The following CYTH3 variants were observed in gnomAD, a reference collection of about 807,000 sequenced individuals.
CYTH3 encodes cytohesin-3.
A neutral mutation model predicts 55.1 loss-of-function variants in CYTH3; 23 were observed. That is an observed-to-expected ratio of 0.42 (90% confidence interval 0.30 to 0.59). CYTH3 has a LOEUF of 0.59. CYTH3 is among the 20% of genes least tolerant of loss of function. The pLI is 0.20. For synonymous variants in CYTH3, 249 were observed against 194.9 expected, an observed-to-expected ratio of 1.28 and a Z score of -2.31; for missense variants, 413 against 524.8, an observed-to-expected ratio of 0.79 and a Z score of 2.08.
intron 4 of CYTH3, among the ~76,000 whole-genome samples, chr7:6,181,493 TC>T (rs1783501304): frequency 6.6e-6 from 1 of 151,952 alleles, no homozygotes; most frequent in Non-Finnish European, 1.5e-5. Flanking sequence ...CTTGCTGTGC[TC>T]CTCATTTCTT....
At chr7:6,198,696 T>C (rs552935648) in intron 1 of CYTH3, among the ~76,000 whole-genome samples, 37 of 151,768 alleles carry the variant, frequency 2.4e-4, no homozygotes, top group African/African-American at 9.0e-4. Flanking sequence ...TAAAGTAATA[T>C]ATGGATATGG....
At chr7:6,245,333 G>C (rs568198565) in intron 1 of CYTH3, among the ~76,000 whole-genome samples, 1 of 152,126 alleles carries the variant, frequency 6.6e-6, no homozygotes, top group South Asian at 2.1e-4. Context: ...ACCTAAATTT[G>C]TATTCTTTTT....
intron 9 of CYTH3, among the ~76,000 whole-genome samples, chr7:6,168,219 A>ATTT (rs750700961): frequency 7.4e-5 from 9 of 121,606 alleles, no homozygotes; most frequent in Admixed American, 2.5e-4. Flanking sequence ...ACCTCCTAGG[A>ATTT]TTTTTTTTTT....
intron 1 of CYTH3, among the ~76,000 whole-genome samples, chr7:6,264,397 C>T (rs543434136): frequency 1.3e-5 from 2 of 152,072 alleles, no homozygotes; most frequent in African/African-American, 4.8e-5. Flanking sequence ...GGATCATTTG[C>T]GGTCAGGAGT....
At chr7:6,193,667 G>A (rs563569495) in intron 1 of CYTH3, among the ~76,000 whole-genome samples, 2 of 152,264 alleles carry the variant, frequency 1.3e-5, no homozygotes, top group African/African-American at 2.4e-5. Context: ...GTGAAGGAGG[G>A]TCAACTAAAA....
chr7:6,193,934 C>T (rs1783860407), intron 1 of CYTH3, among the ~76,000 whole-genome samples: 1 of 152,176 alleles, frequency 6.6e-6, no homozygotes, highest in African/African-American at 2.4e-5. Flanking sequence ...TCCCACCACC[C>T]TGGACAGAGG....
Position 6,163,941 on chromosome 7 carries a change from A to G in CYTH3, c.*1003T>C, listed in dbSNP as rs1175289042. 1 of 152,240 alleles carries G rather than the reference A, an allele frequency of 6.6e-6. No homozygotes were observed. The highest frequency in any genetic ancestry group is 1.5e-5 in the Non-Finnish European group (1 of 68,042). 9.4% of individuals were successfully genotyped at this position (152,240 alleles called of 1,614,324 possible). A position where few individuals can be genotyped will look rare whatever the true frequency, so the allele number is the denominator to read the frequency against. The stretch of plus-strand genomic sequence containing the variant: ...GAAACGCTGCCATGTGTGTGCATCT[A>G]AACAAAACATCAGCAGTTTCACGTG... On this transcript the variant is annotated 3_prime_UTR_variant, in exon 13 of 13. Transcript: ENST00000350796.
At chr7:6,213,472 C>T (rs541166156) in intron 1 of CYTH3, among the ~76,000 whole-genome samples, 37 of 152,234 alleles carry the variant, frequency 2.4e-4, no homozygotes, top group African/African-American at 3.4e-4. Context: ...TCTACAACAA[C>T]GACGGCTCTG....
chr7:6,237,748 T>C (rs1025636162), intron 1 of CYTH3, among the ~76,000 whole-genome samples: 1 of 152,130 alleles, frequency 6.6e-6, no homozygotes, highest in Admixed American at 6.6e-5. Context: ...GCAATGTTTA[T>C]TTCCAAAAGT....
chr7:6,190,325 T>G (rs541607641), intron 2 of CYTH3, 124 bp downstream of exon 2: 136 of 828,872 alleles, frequency 1.6e-4, no homozygotes, highest in African/African-American at 1.3e-3. Flanking sequence ...ATCTTTTTTT[T>G]TTGTTATTTT....
chr7:6,231,377 C>T (rs894663991), intron 1 of CYTH3, among the ~76,000 whole-genome samples: 1 of 152,206 alleles, frequency 6.6e-6, no homozygotes, highest in African/African-American at 2.4e-5. Flanking sequence ...CACGAAGACT[C>T]CAAAGAGCCC....
intron 2 of CYTH3, among the ~76,000 whole-genome samples, chr7:6,190,246 C>T (rs1018636895): frequency 4.0e-5 from 6 of 151,372 alleles, no homozygotes; most frequent in Non-Finnish European, 7.4e-5. Flanking sequence ...TGTGTGGAGT[C>T]TTTGCTTTCC....
At chr7:6,165,202 T>G in intron 12 of CYTH3, 71 bp downstream of exon 12, 2 of 1,570,824 alleles carry the variant, frequency 1.3e-6, no homozygotes, top group South Asian at 2.4e-5. Context: ...GCATCCATGT[T>G]CCAGACCATC....
intron 1 of CYTH3, among the ~76,000 whole-genome samples, chr7:6,191,835 G>C (rs1307863119): frequency 6.7e-6 from 1 of 148,262 alleles, no homozygotes; most frequent in Non-Finnish European, 1.5e-5. Flanking sequence ...CAAGCACTTT[G>C]GGAGGCCAAG....
chr7:6,252,114 G>A (rs1232452361), intron 1 of CYTH3, among the ~76,000 whole-genome samples: 1 of 152,196 alleles, frequency 6.6e-6, no homozygotes, highest in Non-Finnish European at 1.5e-5. Context: ...ATAGGCAAAT[G>A]TGGAATGTAG....
At chr7:6,248,263 A>G (rs2115044260) in intron 1 of CYTH3, among the ~76,000 whole-genome samples, 1 of 148,114 alleles carries the variant, frequency 6.8e-6, no homozygotes, top group Admixed American at 6.7e-5. Context: ...AAAAAAAAAG[A>G]ATAGCTGGAC....
intron 1 of CYTH3, among the ~76,000 whole-genome samples, chr7:6,240,082 G>T (rs974032477): frequency 6.6e-6 from 1 of 152,150 alleles, no homozygotes; most frequent in East Asian, 1.9e-4. Context: ...AAGGCAGGTG[G>T]ATCGCGTGAG....
In CYTH3 at chr7:6,167,659, C is replaced by G. The variant is rs1463119420; in HGVS notation, c.824-1849G>C. Among the ~76,000 whole-genome samples, 1 of 152,244 alleles carries G rather than the reference C, an allele frequency of 6.6e-6. No individual in the cohort carries two copies. The highest frequency in any genetic ancestry group is 2.4e-5 in the African/African-American group (1 of 41,472). The stretch of plus-strand genomic sequence containing the variant: ...CTCCTTGGGCGGCAGCAGGGGCTGC[C>G]CTTCCTGGCTCCCCAGCTGTGGCCT... On this transcript the variant is annotated intron_variant, in intron 9 of 12. Coordinates refer to ENST00000350796, the MANE Select transcript of CYTH3 (RefSeq NM_004227.4). This position sits in a 1 kb window ranked among gnomAD's most constrained non-coding sequence, Gnocchi z 5.5.
At position 6,172,880 on chromosome 7, in the gene CYTH3, C is replaced by G. The variant is rs1304973582; in HGVS notation, c.449+773G>C. On this transcript the variant is annotated intron_variant, in intron 6 of 12. Coordinates refer to ENST00000350796, the MANE Select transcript of CYTH3 (RefSeq NM_004227.4). ...TGAGCACAACATCACGAGGGTCCCA[C>G]AAAAACGCTGCCAACATTGCAGTCT... 4.8e-6 allele frequency: 6 copies of G among 1,252,654 alleles called. No individual in the cohort carries two copies. In the African/African-American group the frequency reaches 6.2e-5, roughly 13 times the overall value. The allele number at this position is 1,252,654 out of a possible 1,614,324, so 77.6% of individuals were successfully genotyped here. A position where few individuals can be genotyped will look rare whatever the true frequency, so the allele number is the denominator to read the frequency against.
Sources: gnomAD v4.1 joint callset for allele counts (sites outside exome capture counted in the v4.1 genomes callset) on GRCh38, gnomAD v4.1.1 for gene constraint, Gnocchi (gnomAD v3.1) non-coding constraint, MANE v1.5 for transcripts, NCBI Gene and HGNC (gene_info 2026-07-23, HGNC 2026-07-21) for gene names.